The following FLI1 variants were observed in gnomAD, a reference collection of about 807,000 sequenced individuals.
FLI1 encodes the protein Fli-1 proto-oncogene, ETS transcription factor.
A neutral mutation model predicts 53.1 loss-of-function variants in FLI1; 13 were observed. The observed-to-expected ratio is 0.24, with a 90% CI of 0.16 to 0.39. The LOEUF is 0.39. Ranked by LOEUF, FLI1 falls within the 10% of genes least tolerant of loss-of-function variation. The pLI, the probability that FLI1 is intolerant of heterozygous loss-of-function variation, is 1.00. For missense variants in FLI1, 424 were observed against 600.5 expected, an observed-to-expected ratio of 0.71 and a Z score of 3.07; for synonymous variants, 244 against 236.7, an observed-to-expected ratio of 1.03 and a Z score of -0.28.
At chr11:128,739,924 G>A (rs1405447128) in intron 1 of FLI1, among the ~76,000 whole-genome samples, 1 of 152,162 alleles carries the variant, frequency 6.6e-6, no homozygotes, top group Non-Finnish European at 1.5e-5. Context: ...TCCTCTAGCT[G>A]TGGGAGCAAA....
chr11:128,739,571 G>A (rs968126992), intron 1 of FLI1, among the ~76,000 whole-genome samples: 3 of 152,284 alleles, frequency 2.0e-5, no homozygotes, highest in South Asian at 2.1e-4. Flanking sequence ...CCCAAGGATT[G>A]TTGGCTGAGA....
chr11:128,800,269 C>T (rs1037842104), intron 5 of FLI1, among the ~76,000 whole-genome samples: 12 of 152,132 alleles, frequency 7.9e-5, no homozygotes, highest in Admixed American at 2.0e-4. Context: ...GTGCTGCCAG[C>T]CTTCTTAGCA....
chr11:128,722,870 A>G (rs1240200051), intron 1 of FLI1, among the ~76,000 whole-genome samples: 2 of 152,184 alleles, frequency 1.3e-5, no homozygotes, highest in Admixed American at 1.3e-4. Flanking sequence ...ATCGGGAGGA[A>G]AAATATCCCT....
Position 128,694,140 on chromosome 11 carries a change from C to G in FLI1, c.-119C>G. 1 of 1,118,540 alleles carries G rather than the reference C, an allele frequency of 8.9e-7. No homozygotes were observed. The highest frequency in any genetic ancestry group is 1.2e-6 in the Non-Finnish European group (1 of 815,368). The allele number at this position is 1,118,540 out of a possible 1,614,324, so 69.3% of individuals were successfully genotyped here. A position where few individuals can be genotyped will look rare whatever the true frequency, so the allele number is the denominator to read the frequency against. ...GGGCAGGGCGCTCGCAGGGGGCACG[C>G]AGGGAGGGCCCAGGGCGCCAGGGAG... On this transcript the variant is annotated 5_prime_UTR_variant, in exon 1 of 9. Transcript: ENST00000527786.
At chr11:128,807,063 A>G (rs761390982) in intron 6 of FLI1, 117 bp from the exon 7 acceptor site, 20 of 488,446 alleles carry the variant, frequency 4.1e-5, no homozygotes, top group African/African-American at 3.2e-4. Context: ...TAAGATGAAT[A>G]AATGAGTCAG....
At chr11:128,757,803 A>G (rs930598001) in intron 1 of FLI1, among the ~76,000 whole-genome samples, 6 of 152,182 alleles carry the variant, frequency 3.9e-5, no homozygotes, top group Admixed American at 2.0e-4. Context: ...CCAAGTCACC[A>G]CTATTCTTGG....
At chr11:128,767,865 C>T (rs1941401553) in intron 2 of FLI1, among the ~76,000 whole-genome samples, 1 of 152,304 alleles carries the variant, frequency 6.6e-6, no homozygotes, top group Admixed American at 6.5e-5. Flanking sequence ...AAGCTCAGAC[C>T]TTGGTCTGAG....
chr11:128,727,522 C>A (rs1241515443), intron 1 of FLI1, among the ~76,000 whole-genome samples: 1 of 152,150 alleles, frequency 6.6e-6, no homozygotes, highest in Admixed American at 6.5e-5. Context: ...GCCCAAGGGC[C>A]AGGTCTAGAG....
chr11:128,760,523 T>A (rs3016769), intron 2 of FLI1, among the ~76,000 whole-genome samples: 29,919 of 74,972 alleles, frequency 0.4, 3,100 homozygotes, highest in African/African-American at 0.48. Context: ...GAGATTCCTT[T>A]TTTTTTTTTT....
chr11:128,728,750 C>G (rs1939578266), intron 1 of FLI1, among the ~76,000 whole-genome samples: 1 of 152,200 alleles, frequency 6.6e-6, no homozygotes, highest in Non-Finnish European at 1.5e-5. Flanking sequence ...CCCCATTTGC[C>G]CTGGTGGGCA....
upstream of FLI1, among the ~76,000 whole-genome samples, chr11:128,685,455 C>A (rs1455736070): frequency 6.6e-6 from 1 of 152,170 alleles, no homozygotes; most frequent in Non-Finnish European, 1.5e-5. Context: ...GTTCTGGTTG[C>A]AGTCGGGAAA....
intron 2 of FLI1, among the ~76,000 whole-genome samples, chr11:128,760,141 G>C (rs539585977): frequency 6.6e-6 from 1 of 152,324 alleles, no homozygotes; most frequent in East Asian, 1.9e-4. Flanking sequence ...GCTCCTAACA[G>C]TCGAAGGACA....
intron 2 of FLI1, 80 bp from the exon 3 acceptor site, chr11:128,768,038 C>A: frequency 7.5e-7 from 1 of 1,334,774 alleles, no homozygotes; most frequent in South Asian, 1.4e-5. Flanking sequence ...CATCGGAGCC[C>A]TGGGCTCATG....
At chr11:128,746,748 C>T (rs1301805457) in intron 1 of FLI1, among the ~76,000 whole-genome samples, 2 of 152,192 alleles carry the variant, frequency 1.3e-5, no homozygotes, top group Admixed American at 6.5e-5. Context: ...TCCAAACTTT[C>T]AGCTCTTGGT....
At chr11:128,692,871 C>T (rs1565450219), upstream of FLI1, 1 of 152,264 alleles carries the variant, frequency 6.6e-6, no homozygotes, top group Non-Finnish European at 1.5e-5. Context: ...GCTGCTCCAA[C>T]TGGGGCGCGC....
At chr11:128,723,053 G>A (rs1395682985) in intron 1 of FLI1, among the ~76,000 whole-genome samples, 1 of 152,146 alleles carries the variant, frequency 6.6e-6, no homozygotes, top group Non-Finnish European at 1.5e-5. Flanking sequence ...TAGAAAGAGG[G>A]CAAGCTAGCT....
intron 3 of FLI1, among the ~76,000 whole-genome samples, chr11:128,769,255 C>A (rs771467010): frequency 7.9e-5 from 12 of 152,136 alleles, no homozygotes; most frequent in Admixed American, 2.0e-4. Flanking sequence ...CAAACTGCCA[C>A]GTGTAGAACT....
intron 1 of FLI1, among the ~76,000 whole-genome samples, chr11:128,744,671 C>T (rs1940298310): frequency 6.6e-6 from 1 of 152,192 alleles, no homozygotes; most frequent in African/African-American, 2.4e-5. Context: ...CCCCTCAACC[C>T]TCACATCAAA....
At chr11:128,713,095 G>A (rs144592603) in intron 1 of FLI1, among the ~76,000 whole-genome samples, 18 of 152,278 alleles carry the variant, frequency 1.2e-4, no homozygotes, top group Middle Eastern at 3.4e-3. Flanking sequence ...AATTTGTGAG[G>A]TGAACTGTTT....
Sources: allele counts gnomAD v4.1 joint callset (sites outside exome capture counted in the v4.1 genomes callset), GRCh38; gene constraint gnomAD v4.1.1; transcripts MANE v1.5; gene names NCBI Gene and HGNC (gene_info 2026-07-23, HGNC 2026-07-21).